The following TRIM38 variants were observed in gnomAD, a reference collection of about 807,000 sequenced individuals.
TRIM38 encodes the protein tripartite motif containing 38, also known as E3 ubiquitin-protein ligase TRIM38.
Under a neutral mutation model 35.8 loss-of-function variants are expected in TRIM38, and 35 were observed. The observed-to-expected ratio is 0.98, with a 90% CI of 0.75 to 1.30. The LOEUF is 1.30. Ranked by LOEUF, TRIM38 falls within the 50% of genes most tolerant of loss-of-function variation. The pLI, the probability that TRIM38 is intolerant of heterozygous loss-of-function variation, is 0.00. For missense variants in TRIM38, 545 were observed against 556.9 expected (o/e 0.98, Z 0.21); for synonymous variants, 198 against 204.7 (o/e 0.97, Z 0.28).
chr6:25,968,570 C>A (rs889057949), intron 3 of TRIM38, among the ~76,000 whole-genome samples: 3 of 152,160 alleles, frequency 2.0e-5, no homozygotes, highest in African/African-American at 7.2e-5. Context: ...TTACATAGAA[C>A]CTTTTCCTGA....
chr6:25,963,104 G>C lies in TRIM38; in HGVS notation c.-367G>C, dbSNP rs1395068064. The C allele has an allele frequency of 6.6e-6, 1 of 152,320 alleles. No homozygotes were observed. Among genetic ancestry groups the C allele is most frequent in the Non-Finnish European group, 1.5e-5 (1 of 68,144 alleles). The allele number at this position is 152,320 out of a possible 1,614,324, so 9.4% of individuals were successfully genotyped here. A position where few individuals can be genotyped will look rare whatever the true frequency, so the allele number is the denominator to read the frequency against. On this transcript the variant is annotated 5_prime_UTR_variant, in exon 2 of 8. Transcript: ENST00000357085. ...CTTAGATGAGTGGGGCCCAGGACAG[G>C]AACCCTGGAGCCTTGGAAGGAGGGG...
chr6:25,980,964 A>T (rs184256746), intron 7 of TRIM38, among the ~76,000 whole-genome samples: 9 of 152,322 alleles, frequency 5.9e-5, no homozygotes, highest in Admixed American at 5.9e-4. Flanking sequence ...GGTAATATGA[A>T]TTGAAACCCC....
chr6:25,965,081 A>G (rs967245901), intron 2 of TRIM38, among the ~76,000 whole-genome samples: 4 of 152,132 alleles, frequency 2.6e-5, no homozygotes, highest in African/African-American at 9.7e-5. Flanking sequence ...CCAAAGTGCT[A>G]GGATTACAGG....
In TRIM38 at chr6:25,963,101, C is replaced by G. The variant is rs1437325803; in HGVS notation, c.-370C>G. The G allele has an allele frequency of 6.6e-6, 1 of 152,354 alleles. No individual in the cohort carries two copies. Among genetic ancestry groups the G allele is most frequent in the Non-Finnish European group, 1.5e-5 (1 of 68,154 alleles). The allele number at this position is 152,354 out of a possible 1,614,324, so 9.4% of individuals were successfully genotyped here. ...GAACTTAGATGAGTGGGGCCCAGGA[C>G]AGGAACCCTGGAGCCTTGGAAGGAG... On this transcript the variant is annotated 5_prime_UTR_variant, in exon 2 of 8. Transcript: ENST00000357085.
intron 7 of TRIM38, among the ~76,000 whole-genome samples, chr6:25,981,967 C>T (rs549399651): frequency 6.6e-6 from 1 of 152,278 alleles, no homozygotes; most frequent in Admixed American, 6.5e-5. Context: ...ATTATTACTA[C>T]ATGTTGTTAG....
At chr6:25,980,636 G>A (rs1330022180) in intron 7 of TRIM38, among the ~76,000 whole-genome samples, 1 of 152,128 alleles carries the variant, frequency 6.6e-6, no homozygotes, top group African/African-American at 2.4e-5. Flanking sequence ...GGGCAGGCTG[G>A]TCTTGAACTC....
rs1227630826 is a variant in TRIM38 at position 25,989,299 on chromosome 6, A to G, written c.*5612A>G. The stretch of plus-strand genomic sequence containing the variant: ...GTATATTCTAAAAATATTGTTCTTC[A>G]TCAGATCTGTCTTTTGCAAACATTA... On this transcript the variant is annotated 3_prime_UTR_variant, in exon 8 of 8. Transcript: ENST00000357085. The G allele has an allele frequency of 6.6e-6, 1 of 152,160 alleles. No homozygotes were observed. The highest frequency in any genetic ancestry group is 1.5e-5 in the Non-Finnish European group (1 of 68,032). 9.4% of individuals were successfully genotyped at this position (152,160 alleles called of 1,614,324 possible).
At chr6:25,966,123 A>G (rs1221040700) in intron 2 of TRIM38, among the ~76,000 whole-genome samples, 1 of 152,166 alleles carries the variant, frequency 6.6e-6, no homozygotes, top group African/African-American at 2.4e-5. Context: ...CGAGATTTGT[A>G]ATACAAAGAA....
chr6:25,988,496 C>CTTTCTTT lies in TRIM38; in HGVS notation c.*4812_*4813insCTTTTTT, dbSNP rs1554143882. 1 of 63,054 alleles carries CTTTCTTT rather than the reference C, an allele frequency of 1.6e-5. No individual in the cohort carries two copies. Among genetic ancestry groups the CTTTCTTT allele is most frequent in the African/African-American group, 7.0e-5 (1 of 14,186 alleles). The allele number at this position is 63,054 out of a possible 1,614,324, so 3.9% of individuals were successfully genotyped here. On this transcript the variant is annotated 3_prime_UTR_variant, in exon 8 of 8. Coordinates refer to ENST00000357085, the MANE Select transcript of TRIM38 (RefSeq NM_006355.5). Reference sequence around the variant, plus strand: ...TTTCTTTTTCTTTTTTCTTTTCTTTCTTTTTTTTTTTTTTTTTGAGACAGA... The same window carrying CTTTCTTT: ...TTTCTTTTTCTTTTTTCTTTTCTTTCTTTCTTTTTTTTTTTTTTTTTTTTGAGACAGA...
rs1240628025 is a variant in TRIM38, at chr6:25,985,035, A to T, written c.*1348A>T. The T allele has an allele frequency of 6.6e-6, 1 of 152,340 alleles. No homozygotes were observed. Among genetic ancestry groups the T allele is most frequent in the Non-Finnish European group, 1.5e-5 (1 of 68,040 alleles). The allele number at this position is 152,340 out of a possible 1,614,324, so 9.4% of individuals were successfully genotyped here. A position where few individuals can be genotyped will look rare whatever the true frequency, so the allele number is the denominator to read the frequency against. The stretch of plus-strand genomic sequence containing the variant: ...AGGGTCAGAAGTTCTAATTATGATG[A>T]TAGAGGCTGGGTTGTAAGTAGTAAG... On this transcript the variant is annotated 3_prime_UTR_variant, in exon 8 of 8. Transcript: ENST00000357085.
Position 25,984,307 on chromosome 6 carries a change from G to A in TRIM38, c.*620G>A, listed in dbSNP as rs573804754. On this transcript the variant is annotated 3_prime_UTR_variant, in exon 8 of 8. Coordinates refer to ENST00000357085, the MANE Select transcript of TRIM38 (RefSeq NM_006355.5). ...TATGAGTAAAATTGAACTTTGATGG[G>A]GGATTCAGTTCTGGAAAAGAATTTG... is the stretch of plus-strand genomic sequence containing the variant. 6.6e-6 allele frequency: 1 copy of A among 152,266 alleles called. No homozygotes were observed. Among genetic ancestry groups the A allele is most frequent in the African/African-American group, 2.4e-5 (1 of 41,410 alleles). The allele number at this position is 152,266 out of a possible 1,614,324, so 9.4% of individuals were successfully genotyped here. A position where few individuals can be genotyped will look rare whatever the true frequency, so the allele number is the denominator to read the frequency against.
Position 25,989,559 on chromosome 6 carries a change from G to A in TRIM38, c.*5872G>A, listed in dbSNP as rs1422014899. 7.7e-6 allele frequency: 1 copy of A among 129,624 alleles called. No individual in the cohort carries two copies. The highest frequency in any genetic ancestry group is 2.9e-5 in the African/African-American group (1 of 33,926). 8.0% of individuals were successfully genotyped at this position (129,624 alleles called of 1,614,324 possible). On this transcript the variant is annotated 3_prime_UTR_variant, in exon 8 of 8. Transcript: ENST00000357085. ...TAATAGAGACGGGTCTTGCTACAGT[G>A]CCCAGGCTGGTCTCGAACTCCAGGC...
Position 25,985,458 on chromosome 6 carries a change from G to A in TRIM38, c.*1771G>A, listed in dbSNP as rs1367397685. The A allele has an allele frequency of 6.6e-6, 1 of 152,048 alleles. No homozygotes were observed. Among genetic ancestry groups the A allele is most frequent in the Admixed American group, 6.5e-5 (1 of 15,268 alleles). 9.4% of individuals were successfully genotyped at this position (152,048 alleles called of 1,614,324 possible). Reference sequence around the variant, plus strand: ...AATCCTCTTTTGAGTATTCATCTCAGTACTCCCCTGTGTTTGTACAATGCA... The same window carrying A: ...AATCCTCTTTTGAGTATTCATCTCAATACTCCCCTGTGTTTGTACAATGCA... On this transcript the variant is annotated 3_prime_UTR_variant, in exon 8 of 8. Coordinates refer to ENST00000357085, the MANE Select transcript of TRIM38 (RefSeq NM_006355.5).
Position 25,983,938 on chromosome 6 carries a change from T to C in TRIM38, c.*251T>C. The C allele has an allele frequency of 2.5e-6, 1 of 393,076 alleles. No homozygotes were observed. Among genetic ancestry groups the C allele is most frequent in the Non-Finnish European group, 4.5e-6 (1 of 220,312 alleles). The allele number at this position is 393,076 out of a possible 1,614,324, so 24.3% of individuals were successfully genotyped here. ...GATCGTATGTTGCTGTCTCCATCCGTCTTTAATGGGTCAGGGCTTTGATTT... is the reference window on the plus strand; with the variant it reads ...GATCGTATGTTGCTGTCTCCATCCGCCTTTAATGGGTCAGGGCTTTGATTT... On this transcript the variant is annotated 3_prime_UTR_variant, in exon 8 of 8. Transcript: ENST00000357085.
chr6:25,975,941 G>A (rs1760378378), intron 7 of TRIM38, among the ~76,000 whole-genome samples: 1 of 152,138 alleles, frequency 6.6e-6, no homozygotes, highest in African/African-American at 2.4e-5. Flanking sequence ...GATTGCCGAG[G>A]TTGTTGTTAA....
In TRIM38 at chr6:25,988,496, C is replaced by CTGTTTTTTTTT. The variant is rs1760775265; in HGVS notation, c.*4810_*4811insGTTTTTTTTTT. ...TTTCTTTTTCTTTTTTCTTTTCTTTCTTTTTTTTTTTTTTTTTGAGACAGA... is the reference window on the plus strand; with the variant it reads ...TTTCTTTTTCTTTTTTCTTTTCTTTCTGTTTTTTTTTTTTTTTTTTTTTTTTTTGAGACAGA... On this transcript the variant is annotated 3_prime_UTR_variant, in exon 8 of 8. Coordinates refer to ENST00000357085, the MANE Select transcript of TRIM38 (RefSeq NM_006355.5). The CTGTTTTTTTTT allele has an allele frequency of 1.6e-5, 1 of 63,054 alleles. No homozygotes were observed. The highest frequency in any genetic ancestry group is 7.0e-5 in the African/African-American group (1 of 14,186). 3.9% of individuals were successfully genotyped at this position (63,054 alleles called of 1,614,324 possible).
In TRIM38 at chr6:25,983,818, G is replaced by A; in HGVS notation, c.*131G>A. On this transcript the variant is annotated 3_prime_UTR_variant, in exon 8 of 8. Coordinates refer to ENST00000357085, the MANE Select transcript of TRIM38 (RefSeq NM_006355.5). ...TTAGACTAGTGCTGAGATTTTAGTGGATATATAATTGATTTATGTTGAATA... is the reference window on the plus strand; with the variant it reads ...TTAGACTAGTGCTGAGATTTTAGTGAATATATAATTGATTTATGTTGAATA... 2 of 806,066 alleles carry A rather than the reference G, an allele frequency of 2.5e-6. No homozygotes were observed. Among genetic ancestry groups the A allele is most frequent in the Non-Finnish European group, 1.9e-6 (1 of 533,342 alleles). 49.9% of individuals were successfully genotyped at this position (806,066 alleles called of 1,614,324 possible).
At chr6:25,972,635 G>A (rs2113596807) in intron 5 of TRIM38, among the ~76,000 whole-genome samples, 1 of 152,308 alleles carries the variant, frequency 6.6e-6, no homozygotes, top group East Asian at 1.9e-4. Context: ...CTTAGTGGCA[G>A]TGGCCCAGTC....
At chr6:25,966,993 C>A in intron 3 of TRIM38, 60 bp downstream of exon 3, 1 of 1,489,852 alleles carries the variant, frequency 6.7e-7, no homozygotes, top group African/African-American at 1.4e-5. Context: ...TCCCCAGGAG[C>A]TGAGATGATT....
Sources: allele counts gnomAD v4.1 joint callset (sites outside exome capture counted in the v4.1 genomes callset), GRCh38; gene constraint gnomAD v4.1.1; transcripts MANE v1.5; gene names NCBI Gene and HGNC (gene_info 2026-07-23, HGNC 2026-07-21).